WDR11: variants seen among roughly 807,000 people sequenced by gnomAD.
The protein encoded by WDR11 is WD repeat domain 11, also known as WD repeat-containing protein 11.
In WDR11, 83 loss-of-function variants were observed where a neutral mutation model predicts 151.2. The observed-to-expected ratio is 0.55, with a 90% CI of 0.46 to 0.66. The LOEUF is 0.66. Among genes scored for constraint, WDR11 ranks in the 30% least tolerant of loss-of-function variants. The pLI, the probability that WDR11 is intolerant of heterozygous loss-of-function variation, is 0.00. For synonymous variants in WDR11, 484 were observed against 533.1 expected (o/e 0.91, Z 1.27); for missense variants, 1,301 against 1,480.9 (o/e 0.88, Z 1.99).
chr10:120,874,110 A>G (rs575007430), intron 11 of WDR11, among the ~76,000 whole-genome samples, 187 bp downstream of exon 11: 1 of 152,080 alleles, frequency 6.6e-6, no homozygotes, highest in African/African-American at 2.4e-5. Flanking sequence ...CTGTGTAAAG[A>G]ACATAAGCAG....
intron 15 of WDR11, 61 bp from the exon 16 acceptor site, chr10:120,886,628 T>C (rs1225845549): frequency 1.9e-6 from 3 of 1,585,936 alleles, no homozygotes; most frequent in Non-Finnish European, 2.6e-6. Context: ...AGTTAATTAA[T>C]TATGAGTATC....
chr10:120,880,741 T>G (rs1450376794), intron 12 of WDR11, 85 bp from the exon 13 acceptor site: 9 of 1,149,362 alleles, frequency 7.8e-6, no homozygotes, highest in Non-Finnish European at 1.0e-5. Context: ...TGGGTAGGAC[T>G]GATCAAATTA....
intron 18 of WDR11, 37 bp downstream of exon 18, chr10:120,890,046 T>C: frequency 7.0e-7 from 1 of 1,433,194 alleles, no homozygotes. Context: ...GTAAATAAAT[T>C]GTTAGCCATA....
At chr10:120,854,670 C>T (rs1392036268) in intron 2 of WDR11, among the ~76,000 whole-genome samples, 1 of 152,120 alleles carries the variant, frequency 6.6e-6, no homozygotes, top group Non-Finnish European at 1.5e-5. Context: ...GTTCTCTGTT[C>T]TTTTGATTAT....
intron 22 of WDR11, among the ~76,000 whole-genome samples, chr10:120,902,847 G>A (rs1483995943): frequency 6.6e-6 from 1 of 152,062 alleles, no homozygotes; most frequent in African/African-American, 2.4e-5. Context: ...AGTCTGAAGG[G>A]GTCCTGTGCA....
At chr10:120,855,264 T>C (rs1845908219) in intron 2 of WDR11, among the ~76,000 whole-genome samples, 1 of 152,142 alleles carries the variant, frequency 6.6e-6, no homozygotes, top group African/African-American at 2.4e-5. Flanking sequence ...AGGTGGTGTA[T>C]ACAGCATGGA....
rs770829424 is a variant in WDR11, at chr10:120,860,144, G to T, written c.388G>T (p.Asp130Tyr). The change falls in exon 4 of 29, where the codon GAT (aspartate) becomes TAT (tyrosine). Residue 130 changes from aspartate to tyrosine, a missense_variant. Asp to Tyr is a radical substitution (Grantham distance 160). This residue lies in a region of WDR11 where 692 missense variants were observed against 762.5 expected (regional missense o/e 0.91). Transcript: ENST00000263461. ...GTTGTGGAATCAAGATGCTTCCCGC[G>T]ATTTACTGCTTGCTATCCACCCGCC... ...QWLWNQDASRDLLLAIHPPNY... is the reference protein window; with the variant it reads ...QWLWNQDASRYLLLAIHPPNY... 1.9e-6 allele frequency: 3 copies of T among 1,613,950 alleles called. No homozygotes were observed. Among genetic ancestry groups the T allele is most frequent in the East Asian group, 2.2e-5 (1 of 44,884 alleles).
chr10:120,899,708 G>A (rs1442553328), intron 19 of WDR11: 53 of 305,288 alleles, frequency 1.7e-4, no homozygotes, highest in African/African-American at 3.1e-4. Flanking sequence ...GCTTGAACCC[G>A]GGAGGCGGAG....
At chr10:120,904,596 A>C in intron 24 of WDR11, 50 bp from the exon 25 acceptor site, 1 of 1,608,526 alleles carries the variant, frequency 6.2e-7, no homozygotes, top group South Asian at 1.1e-5. Context: ...TTAAAAAGTT[A>C]TGTTGGAGGA....
chr10:120,871,706 G>A (rs1846550074), intron 10 of WDR11, among the ~76,000 whole-genome samples: 1 of 151,936 alleles, frequency 6.6e-6, no homozygotes, highest in Non-Finnish European at 1.5e-5. Flanking sequence ...GTTTTCGTTG[G>A]GTCTTTATTG....
At chr10:120,888,947 C>A in intron 16 of WDR11, 131 bp from the exon 17 acceptor site, 1 of 683,552 alleles carries the variant, frequency 1.5e-6, no homozygotes, top group East Asian at 2.8e-5. Context: ...TGTCTAAAGT[C>A]TGTTTTAGGA....
rs768119701 is a variant in WDR11 at position 120,885,920 on chromosome 10, T to C, written c.1955T>C (p.Val652Ala). Reference sequence around the variant, plus strand: ...GTCTCAGACACAGAGCTGAGTATTGTTGAATCATCTGTGATCAGGTACAGT... The same window carrying C: ...GTCTCAGACACAGAGCTGAGTATTGCTGAATCATCTGTGATCAGGTACAGT... ...TVVSDTELSI[V>A]ESSVISLLQE... The change falls in exon 15 of 29, where the codon GTT becomes GCT. Residue 652 changes from valine (V) to alanine (A), a missense_variant. Coordinates refer to ENST00000263461, the MANE Select transcript of WDR11 (RefSeq NM_018117.12). The C allele has an allele frequency of 5.0e-6, 8 of 1,613,536 alleles. No individual in the cohort carries two copies. In the East Asian group the frequency reaches 1.1e-4, roughly 22 times the overall value.
At chr10:120,853,461 T>C (rs976238557) in intron 2 of WDR11, among the ~76,000 whole-genome samples, 11 of 152,092 alleles carry the variant, frequency 7.2e-5, no homozygotes, top group Non-Finnish European at 1.6e-4. Flanking sequence ...GAGACCGGGT[T>C]TCACCATGTT....
chr10:120,851,681 T>C (rs1564932931), intron 1 of WDR11, 175 bp downstream of exon 1: 11 of 704,460 alleles, frequency 1.6e-5, no homozygotes, highest in Non-Finnish European at 9.6e-6. Context: ...AAAGTGATAA[T>C]AGCCCCGTGT....
At chr10:120,883,963 A>G in intron 14 of WDR11, 75 bp downstream of exon 14, 2 of 1,253,138 alleles carry the variant, frequency 1.6e-6, no homozygotes, top group Non-Finnish European at 2.3e-6. Flanking sequence ...TTAAGCTTGA[A>G]TCAAAATCAT....
chr10:120,862,355 G>A (rs1442198609), intron 4 of WDR11: 1 of 203,798 alleles, frequency 4.9e-6, no homozygotes, highest in East Asian at 1.4e-4. Context: ...GATCAGGCTG[G>A]TCTCGAACTC....
chr10:120,895,736 A>G (rs964252209), intron 19 of WDR11, among the ~76,000 whole-genome samples: 2 of 152,174 alleles, frequency 1.3e-5, no homozygotes, highest in African/African-American at 4.8e-5. Context: ...TAAGGATAAA[A>G]GAAGAAAATA....
At chr10:120,855,555 A>G (rs998757600) in intron 2 of WDR11, among the ~76,000 whole-genome samples, 3 of 152,120 alleles carry the variant, frequency 2.0e-5, no homozygotes, top group Non-Finnish European at 2.9e-5. Context: ...TTTTTGTGCC[A>G]TATCCAAGAA....
chr10:120,884,072 TATC>T (rs1258662605), intron 14 of WDR11, among the ~76,000 whole-genome samples, 184 bp downstream of exon 14: 2 of 152,172 alleles, frequency 1.3e-5, no homozygotes, highest in African/African-American at 2.4e-5. Flanking sequence ...ATCAACCTAA[TATC>T]ATATTAGTGC....
Sources: gnomAD v4.1 joint callset for allele counts (sites outside exome capture counted in the v4.1 genomes callset) on GRCh38, gnomAD v4.1.1 for gene constraint, gnomAD v4.1.1 regional missense constraint, MANE v1.5 for transcripts, NCBI Gene and HGNC (gene_info 2026-07-23, HGNC 2026-07-21) for gene names.